The following TNS1 variants were observed in gnomAD, a reference collection of about 807,000 sequenced individuals.
TNS1 encodes tensin 1.
TNS1 carries 62 observed loss-of-function variants against 168.6 expected under a neutral mutation model. That is an observed-to-expected ratio of 0.37 (90% CI 0.30 to 0.45). TNS1 has a LOEUF of 0.45. TNS1 is among the 20% of genes least tolerant of loss of function. The probability of loss-of-function intolerance (pLI) is 1.00; values close to 1 mark genes in which losing one functional copy is unlikely to be tolerated. For missense variants in TNS1, 2,240 were observed against 2,339.4 expected (o/e 0.96, Z 0.88); for synonymous variants, 934 against 933.2 (o/e 1.00, Z -0.02).
intron 3 of TNS1, among the ~76,000 whole-genome samples, chr2:217,975,571 T>TG (rs1559396017): frequency 6.6e-6 from 1 of 152,006 alleles, no homozygotes; most frequent in Non-Finnish European, 1.5e-5. Flanking sequence ...CCCAAGTGCA[T>TG]GGGGGGACTG....
chr2:218,004,432 T>C (rs771901576), upstream of TNS1, among the ~76,000 whole-genome samples: 82 of 151,916 alleles, frequency 5.4e-4, no homozygotes, highest in Non-Finnish European at 1.0e-3. Context: ...ACCGTGCAAC[T>C]ACCAGCCTCC....
chr2:218,014,400 C>A (rs1269983510), upstream of TNS1, among the ~76,000 whole-genome samples: 1 of 152,190 alleles, frequency 6.6e-6, no homozygotes, highest in Non-Finnish European at 1.5e-5. Flanking sequence ...AACTTCCAAG[C>A]AGGTTCCCAG....
chr2:217,841,935 T>G (rs1946024856), intron 19 of TNS1: 4 of 614,670 alleles, frequency 6.5e-6, no homozygotes, highest in Non-Finnish European at 1.2e-5. Flanking sequence ...TAGAAGGACC[T>G]GCTATGTTAT....
At chr2:217,977,270 G>A (rs139231449) in intron 3 of TNS1, among the ~76,000 whole-genome samples, 123 of 152,254 alleles carry the variant, frequency 8.1e-4, no homozygotes, top group Middle Eastern at 3.4e-3. Flanking sequence ...AAGCAGAAAC[G>A]TACTCTCCAT....
Position 218,033,778 on chromosome 2 carries a change from C to T in TNS1, c.156+42G>A, listed in dbSNP as rs1958922591. Among the ~76,000 whole-genome samples, 1 of 152,198 alleles carries T rather than the reference C, an allele frequency of 6.6e-6. No homozygotes were observed. The highest frequency in any genetic ancestry group is 2.4e-5 in the African/African-American group (1 of 41,460). ...CTGGGCTCTGCCAACCGCCAGCTCC[C>T]GACTCGGGGCGTCGTCCCTCACCCA... On this transcript the variant is annotated intron_variant, in intron 1 of 1. Transcript: ENST00000649572. The surrounding 1 kb of genome is among the most constrained non-coding windows in gnomAD (Gnocchi z 4.3).
At chr2:217,862,580 T>C (rs142864817) in intron 18 of TNS1, among the ~76,000 whole-genome samples, 48 of 152,340 alleles carry the variant, frequency 3.2e-4, no homozygotes, top group African/African-American at 1.0e-3. Flanking sequence ...CCCAGGCAAT[T>C]TCCTAGAATC....
intron 3 of TNS1, among the ~76,000 whole-genome samples, chr2:217,939,041 C>A (rs1956778793): frequency 6.6e-6 from 1 of 152,134 alleles, no homozygotes; most frequent in South Asian, 2.1e-4. Context: ...TCACCACCAC[C>A]ACCAATAATA....
chr2:217,918,495 C>T (rs1356783805), intron 4 of TNS1, among the ~76,000 whole-genome samples: 1 of 152,192 alleles, frequency 6.6e-6, no homozygotes, highest in Non-Finnish European at 1.5e-5. Context: ...CGCAGCCTTG[C>T]TCAGGCACGA....
At chr2:217,931,464 G>A (rs942237461) in intron 3 of TNS1, among the ~76,000 whole-genome samples, 2 of 152,218 alleles carry the variant, frequency 1.3e-5, no homozygotes, top group African/African-American at 4.8e-5. Context: ...GACATGTGAG[G>A]GTAGGTGCGG....
intron 19 of TNS1, among the ~76,000 whole-genome samples, chr2:217,846,238 A>G (rs1946628743): frequency 6.6e-6 from 1 of 152,150 alleles, no homozygotes; most frequent in Non-Finnish European, 1.5e-5. Flanking sequence ...TCCATGGTGT[A>G]AATACTCCTG....
chr2:217,900,679 A>G, intron 6 of TNS1, 167 bp from the exon 7 acceptor site: 1 of 708,786 alleles, frequency 1.4e-6, no homozygotes, highest in Non-Finnish European at 2.4e-6. Context: ...CCGAAGCCAA[A>G]GCCATCAACA....
At chr2:217,831,620 G>T in intron 21 of TNS1, 73 bp from the exon 22 acceptor site, 1 of 1,265,432 alleles carries the variant, frequency 7.9e-7, no homozygotes, top group South Asian at 1.8e-5. Context: ...AGGCACGTGA[G>T]GGCACGCTTA....
At chr2:217,851,872 G>A (rs1289912341) in intron 18 of TNS1, among the ~76,000 whole-genome samples, 1 of 152,172 alleles carries the variant, frequency 6.6e-6, no homozygotes, top group Non-Finnish European at 1.5e-5. Flanking sequence ...AGCCTGGCAT[G>A]GTGACTCATG....
At chr2:217,817,375 G>A (rs1192994368) in intron 24 of TNS1, among the ~76,000 whole-genome samples, 1 of 152,126 alleles carries the variant, frequency 6.6e-6, no homozygotes, top group African/African-American at 2.4e-5. Context: ...TCAGAGCCTG[G>A]CACACAGCAT....
rs1376265195 is a variant in TNS1 at position 217,804,613 on chromosome 2, G to A, written c.5376-10C>T. The A allele has an allele frequency of 6.2e-7, 1 of 1,613,842 alleles. No homozygotes were observed. On this transcript the variant is annotated splice_polypyrimidine_tract_variant and intron_variant, in intron 32 of 32. Transcript: ENST00000682258. Reference sequence around the variant, plus strand: ...CACGAAGCCGAAGAGCCTGCAGGCGGGAGAGGGCAACGGGCATGAGGGAAG... The same window carrying A: ...CACGAAGCCGAAGAGCCTGCAGGCGAGAGAGGGCAACGGGCATGAGGGAAG...
chr2:217,848,923 C>G lies in TNS1; in HGVS notation c.1594G>C (p.Gly532Arg), dbSNP rs765253886. ...GTCTTGGTGGAGGCTGTGGAGTTGCCCGAGTCGCTGCTCACAGAAAGCGTG... is the reference window on the plus strand; with the variant it reads ...GTCTTGGTGGAGGCTGTGGAGTTGCGCGAGTCGCTGCTCACAGAAAGCGTG... ...EHTLSVSSDS[G>R]NSTASTKTDK... The change falls in exon 19 of 33, where the codon GGC becomes CGC. Residue 532 changes from glycine (G) to arginine (R), a missense_variant. Gly to Arg is a moderately radical substitution (Grantham distance 125). Around this residue, in one of 2 missense-constraint regions of TNS1, gnomAD observed 2,131 missense variants for 2,171.2 expected, o/e 0.98. Coordinates refer to ENST00000682258, the MANE Select transcript of TNS1 (RefSeq NM_001387777.1). 6.2e-7 allele frequency: 1 copy of G among 1,614,138 alleles called. No homozygotes were observed. The highest frequency in any genetic ancestry group is 1.1e-5 in the South Asian group (1 of 91,066).
chr2:218,022,984 G>C (rs1419801163), intron 1 of TNS1, among the ~76,000 whole-genome samples: 1 of 152,200 alleles, frequency 6.6e-6, no homozygotes, highest in Non-Finnish European at 1.5e-5. Flanking sequence ...CAACCTCAAA[G>C]AAGGTGACTG....
intron 1 of TNS1, among the ~76,000 whole-genome samples, chr2:217,998,990 G>GA (rs1166473933): frequency 6.6e-6 from 1 of 152,168 alleles, no homozygotes; most frequent in African/African-American, 2.4e-5. Context: ...AATAATCCGT[G>GA]AAAAGGATGG....
intron 5 of TNS1, among the ~76,000 whole-genome samples, chr2:217,906,846 A>T (rs1953765145): frequency 6.6e-6 from 1 of 151,918 alleles, no homozygotes; most frequent in African/African-American, 2.4e-5. Context: ...AAACTGTCCA[A>T]CTCTCAGCTA....
Sources: allele counts gnomAD v4.1 joint callset (sites outside exome capture counted in the v4.1 genomes callset), GRCh38; gene constraint gnomAD v4.1.1; regional missense constraint gnomAD v4.1.1; non-coding constraint Gnocchi (gnomAD v3.1); transcripts MANE v1.5; gene names NCBI Gene and HGNC (gene_info 2026-07-23, HGNC 2026-07-21).